GALNT14: variants seen among roughly 807,000 people sequenced by gnomAD.
GALNT14 encodes polypeptide N-acetylgalactosaminyltransferase 14, also known as UDP-GalNAc:polypeptide N-acetylgalactosaminyltransferase 14.
GALNT14 carries 60 observed loss-of-function variants against 77.5 expected under a neutral mutation model. The observed-to-expected ratio is 0.77, with a 90% CI of 0.63 to 0.96. The LOEUF is 0.96. GALNT14 is among the 40% of genes least tolerant of loss of function. The pLI, the probability that GALNT14 is intolerant of heterozygous loss-of-function variation, is 0.00. For synonymous variants in GALNT14, 280 were observed against 281.7 expected, an observed-to-expected ratio of 0.99 and a Z score of 0.06; for missense variants, 710 against 731.0, an observed-to-expected ratio of 0.97 and a Z score of 0.33.
Position 30,916,180 on chromosome 2 carries a change from G to T in GALNT14, c.1381-3838C>A, listed in dbSNP as rs187659377. On this transcript the variant is annotated intron_variant, in intron 13 of 14. Transcript: ENST00000349752. Reference sequence around the variant, plus strand: ...CTCAGACCTTAGTTATAGATTAGAAGAAGTTAATCACTTATGTCTTTAGAT... The same window carrying T: ...CTCAGACCTTAGTTATAGATTAGAATAAGTTAATCACTTATGTCTTTAGAT... Among the ~76,000 whole-genome samples the T allele has an allele frequency of 6.8e-3, 1,043 of 152,292 alleles. 20 individuals are homozygous for T. The highest frequency in any genetic ancestry group is 0.024 in the African/African-American group (996 of 41,564).
At chr2:31,122,478 T>C (rs1455973497) in intron 1 of GALNT14, among the ~76,000 whole-genome samples, 1 of 152,208 alleles carries the variant, frequency 6.6e-6, no homozygotes, top group Non-Finnish European at 1.5e-5. Context: ...ACACAGGCTT[T>C]TCGTGAGCAA....
intron 1 of GALNT14, among the ~76,000 whole-genome samples, chr2:31,069,902 C>T: frequency 6.6e-6 from 1 of 152,112 alleles, no homozygotes. Flanking sequence ...AACTGTCTTG[C>T]TCAGTGAGAA....
At chr2:31,134,517 C>G (rs528535814) in intron 1 of GALNT14, among the ~76,000 whole-genome samples, 2 of 152,368 alleles carry the variant, frequency 1.3e-5, no homozygotes, top group South Asian at 4.1e-4. Flanking sequence ...ACAATCTCTG[C>G]CCTGGCAAAT....
chr2:30,967,230 G>A (rs773889789), intron 2 of GALNT14, among the ~76,000 whole-genome samples: 1 of 152,184 alleles, frequency 6.6e-6, no homozygotes, highest in Non-Finnish European at 1.5e-5. Context: ...CAAGGGACAC[G>A]TGAGCCCTCT....
At chr2:30,909,505 A>G (rs1664246734), downstream of GALNT14, among the ~76,000 whole-genome samples, 1 of 149,506 alleles carries the variant, frequency 6.7e-6, no homozygotes, top group East Asian at 2.0e-4. Flanking sequence ...CAAAACCACA[A>G]TGAGATACCA....
At chr2:30,910,327 G>T (rs1403619945), downstream of GALNT14, 1 of 152,148 alleles carries the variant, frequency 6.6e-6, no homozygotes, top group East Asian at 1.9e-4. Context: ...GTTGGTGGCA[G>T]CCCAGGATAA....
Position 31,095,749 on chromosome 2 carries a change from G to A in GALNT14, c.129+42209C>T, listed in dbSNP as rs145415336. On this transcript the variant is annotated intron_variant, in intron 1 of 14. Coordinates refer to ENST00000349752, the MANE Select transcript of GALNT14 (RefSeq NM_024572.4). ...ACTACTTTCCCTATAAAAAGTTCTCGTAGTAGCTGTAAGACATATGACAAG... is the reference window on the plus strand; with the variant it reads ...ACTACTTTCCCTATAAAAAGTTCTCATAGTAGCTGTAAGACATATGACAAG... Among the ~76,000 whole-genome samples the A allele has an allele frequency of 2.7e-3, 415 of 152,186 alleles. 1 individual carries two copies. The highest frequency in any genetic ancestry group is 4.8e-3 in the Non-Finnish European group (324 of 68,012).
At chr2:30,914,348 G>T (rs1664543301) in intron 13 of GALNT14, among the ~76,000 whole-genome samples, 2 of 152,096 alleles carry the variant, frequency 1.3e-5, no homozygotes, top group East Asian at 1.9e-4. Flanking sequence ...CTTAATCCGG[G>T]GAGAAGACAC....
intron 11 of GALNT14, among the ~76,000 whole-genome samples, 181 bp from the exon 12 acceptor site, chr2:30,925,004 G>A (rs1665281899): frequency 6.6e-6 from 1 of 152,238 alleles, no homozygotes; most frequent in African/African-American, 2.4e-5. Context: ...ACTGCAGACA[G>A]AGCTATGGAA....
At chr2:30,992,358 C>T (rs1298525485) in intron 2 of GALNT14, among the ~76,000 whole-genome samples, 1 of 152,114 alleles carries the variant, frequency 6.6e-6, no homozygotes, top group East Asian at 1.9e-4. Context: ...CAAGCTGGCT[C>T]CTCTTCTCAC....
intron 6 of GALNT14, among the ~76,000 whole-genome samples, chr2:30,946,978 C>G (rs1666735222): frequency 6.6e-6 from 1 of 152,142 alleles, no homozygotes; most frequent in East Asian, 1.9e-4. Flanking sequence ...TCCTTAAGTT[C>G]CCTATTTCTG....
chr2:30,912,082 C>G, intron 14 of GALNT14, 141 bp downstream of exon 14: 544 of 1,013,696 alleles, frequency 5.4e-4, no homozygotes, highest in Non-Finnish European at 7.3e-4. Context: ...CCAGGCAGCA[C>G]TTTCCCTCCC....
chr2:30,980,804 G>A (rs1331323206), intron 2 of GALNT14, among the ~76,000 whole-genome samples: 5 of 152,234 alleles, frequency 3.3e-5, no homozygotes, highest in Admixed American at 6.5e-5. Context: ...GGCATGGGCC[G>A]AGCGCGGTGG....
At chr2:31,015,899 A>G (rs902369511) in intron 1 of GALNT14, among the ~76,000 whole-genome samples, 2 of 152,252 alleles carry the variant, frequency 1.3e-5, no homozygotes, top group Non-Finnish European at 2.9e-5. Flanking sequence ...AACCAGAGCC[A>G]CTGGGATCAT....
intron 1 of GALNT14, among the ~76,000 whole-genome samples, chr2:31,046,486 C>T (rs1259194873): frequency 2.0e-5 from 3 of 152,160 alleles, no homozygotes; most frequent in Non-Finnish European, 4.4e-5. Flanking sequence ...CCTCGGCATC[C>T]CTAAGTGCTG....
intron 1 of GALNT14, among the ~76,000 whole-genome samples, chr2:31,107,070 T>C (rs1166803064): frequency 1.3e-5 from 2 of 152,228 alleles, no homozygotes; most frequent in East Asian, 3.8e-4. Flanking sequence ...CTGTATGTTA[T>C]ATCTCAACAA....
intron 1 of GALNT14, among the ~76,000 whole-genome samples, chr2:31,102,041 G>A (rs1677306891): frequency 6.6e-6 from 1 of 152,084 alleles, no homozygotes; most frequent in Admixed American, 6.6e-5. Context: ...GCTGAACTGT[G>A]AGTCAATTAA....
intron 1 of GALNT14, among the ~76,000 whole-genome samples, chr2:31,024,886 A>T (rs1338273794): frequency 6.6e-6 from 1 of 152,166 alleles, no homozygotes; most frequent in Admixed American, 6.5e-5. Flanking sequence ...TAGGACCATG[A>T]GCTGGCAGGG....
chr2:30,958,910 G>C (rs1415650889), intron 3 of GALNT14, among the ~76,000 whole-genome samples: 1 of 152,172 alleles, frequency 6.6e-6, no homozygotes, highest in East Asian at 1.9e-4. Flanking sequence ...AAGGAGCTTT[G>C]ATTGTGTGAC....
Sources: allele counts gnomAD v4.1 joint callset (sites outside exome capture counted in the v4.1 genomes callset), GRCh38; gene constraint gnomAD v4.1.1; transcripts MANE v1.5; gene names NCBI Gene and HGNC (gene_info 2026-07-23, HGNC 2026-07-21).